The following RIPOR2 variants were observed in gnomAD, a reference collection of about 807,000 sequenced individuals.
RIPOR2 encodes RHO family interacting cell polarization regulator 2, also known as rho family-interacting cell polarization regulator 2.
In RIPOR2, 39 loss-of-function variants were observed where a neutral mutation model predicts 114.5. The observed-to-expected ratio is 0.34, with a 90% confidence interval of 0.26 to 0.44. RIPOR2 has a LOEUF of 0.44. Ranked by LOEUF, RIPOR2 falls within the 20% of genes least tolerant of loss-of-function variation. The pLI, the probability that RIPOR2 is intolerant of heterozygous loss-of-function variation, is 1.00. For synonymous variants in RIPOR2, 445 were observed against 484.4 expected (o/e 0.92, Z 1.07); for missense variants, 1,007 against 1,255.1 (o/e 0.80, Z 2.99).
chr6:25,009,416 C>T (rs993021077), intron 1 of RIPOR2, among the ~76,000 whole-genome samples: 2 of 152,218 alleles, frequency 1.3e-5, no homozygotes, highest in African/African-American at 4.8e-5. Flanking sequence ...TAGAAATCGT[C>T]TTACCATTCT....
At chr6:24,964,285 T>A (rs1044063536) in intron 1 of RIPOR2, among the ~76,000 whole-genome samples, 1 of 152,118 alleles carries the variant, frequency 6.6e-6, no homozygotes, top group Admixed American at 6.6e-5. Flanking sequence ...TACCCCTGTA[T>A]AGTCACACAT....
chr6:24,951,916 C>T (rs1772787868), intron 1 of RIPOR2, among the ~76,000 whole-genome samples: 1 of 152,164 alleles, frequency 6.6e-6, no homozygotes, highest in Non-Finnish European at 1.5e-5. Flanking sequence ...CCCCACCCTG[C>T]TTACCTTCCG....
At chr6:24,860,199 A>G (rs2113826568) in intron 8 of RIPOR2, among the ~76,000 whole-genome samples, 1 of 152,338 alleles carries the variant, frequency 6.6e-6, no homozygotes, top group South Asian at 2.1e-4. Flanking sequence ...ACAAAATTTC[A>G]TAGTTAGTTT....
intron 1 of RIPOR2, among the ~76,000 whole-genome samples, chr6:24,935,320 C>CAAAAAAAAAAAAA (rs976245217): frequency 9.2e-5 from 2 of 21,812 alleles, no homozygotes; most frequent in African/African-American, 2.0e-4. Context: ...AAAACAACAA[C>CAAAAAAAAAAAAA]AAAAAAAAAA....
chr6:24,920,546 A>G (rs1236034816), intron 1 of RIPOR2, among the ~76,000 whole-genome samples: 1 of 152,192 alleles, frequency 6.6e-6, no homozygotes, highest in Admixed American at 6.5e-5. Context: ...GGAACACACC[A>G]TATAGGTTAT....
At chr6:24,913,150 A>AGT (rs10598852) in intron 1 of RIPOR2, among the ~76,000 whole-genome samples, 47,826 of 149,150 alleles carry the variant, frequency 0.32, 7,562 homozygotes, top group East Asian at 0.38. Flanking sequence ...GCATGACTTG[A>AGT]GTGTGTGTGT....
chr6:24,894,083 T>C (rs917025045), intron 1 of RIPOR2, among the ~76,000 whole-genome samples: 3 of 152,130 alleles, frequency 2.0e-5, no homozygotes, highest in African/African-American at 7.2e-5. Flanking sequence ...AGGTGACCCA[T>C]TAGAGGTCAA....
At chr6:24,992,950 C>T (rs2113623315) in intron 1 of RIPOR2, among the ~76,000 whole-genome samples, 1 of 152,228 alleles carries the variant, frequency 6.6e-6, no homozygotes, top group South Asian at 2.1e-4. Flanking sequence ...CAAAGTGCCA[C>T]CAGGGAATGG....
At chr6:24,849,757 G>C in intron 11 of RIPOR2, 45 bp downstream of exon 11, 1 of 1,548,446 alleles carries the variant, frequency 6.5e-7, no homozygotes, top group Non-Finnish European at 8.9e-7. Context: ...GCACTAGCCG[G>C]TATCAGATAT....
At chr6:24,962,846 C>T (rs1298908799) in intron 1 of RIPOR2, among the ~76,000 whole-genome samples, 2 of 152,066 alleles carry the variant, frequency 1.3e-5, no homozygotes, top group African/African-American at 4.8e-5. Context: ...AGTGAATTTG[C>T]TTGAGGTCTC....
intron 1 of RIPOR2, among the ~76,000 whole-genome samples, chr6:24,992,431 C>T (rs1170262499): frequency 2.0e-5 from 3 of 152,068 alleles, no homozygotes; most frequent in Non-Finnish European, 4.4e-5. Context: ...CTAGCAACAG[C>T]CAAACCAAGA....
At position 24,808,762 on chromosome 6, in the gene RIPOR2, CTTT is replaced by C. The variant is rs10587871; in HGVS notation, c.3043+952_3043+954del. On this transcript the variant is annotated intron_variant, in intron 21 of 21. Coordinates refer to ENST00000643898, the MANE Select transcript of RIPOR2 (RefSeq NM_001286445.3). ...TTATAATAATTATTTATACTTTTTT[CTTT>C]TTTTTTTTTTTTGAGACAGAGTCTT... Among the ~76,000 whole-genome samples, 218 of 128,070 alleles carry C rather than the reference CTTT, an allele frequency of 1.7e-3. 4 individuals are homozygous for C. The highest frequency in any genetic ancestry group is 0.01 in the Admixed American group (129 of 12,382). 84.0% of individuals were successfully genotyped at this position (128,070 alleles called of 152,430 possible).
chr6:24,923,049 C>G (rs1324033560), intron 1 of RIPOR2, among the ~76,000 whole-genome samples: 5 of 151,966 alleles, frequency 3.3e-5, no homozygotes, highest in African/African-American at 1.2e-4. Flanking sequence ...CTCCTCCCCC[C>G]AGCCTCTGGC....
At chr6:24,833,833 T>C (rs1299041150) in intron 15 of RIPOR2, among the ~76,000 whole-genome samples, 1 of 152,162 alleles carries the variant, frequency 6.6e-6, no homozygotes, top group Non-Finnish European at 1.5e-5. Context: ...CATGGCCTTA[T>C]TACCGAGAGA....
At chr6:24,807,213 C>A (rs1295298375) in intron 21 of RIPOR2, among the ~76,000 whole-genome samples, 1 of 152,076 alleles carries the variant, frequency 6.6e-6, no homozygotes, top group Admixed American at 6.6e-5. Context: ...ACACCTGTAA[C>A]CCCAGAACTT....
At chr6:24,903,888 T>C (rs1282455185) in intron 1 of RIPOR2, among the ~76,000 whole-genome samples, 2 of 152,260 alleles carry the variant, frequency 1.3e-5, no homozygotes, top group Non-Finnish European at 2.9e-5. Context: ...GCCATGCACA[T>C]AGACCAGCAG....
At chr6:24,957,748 G>A (rs984897306) in intron 1 of RIPOR2, among the ~76,000 whole-genome samples, 4 of 152,270 alleles carry the variant, frequency 2.6e-5, no homozygotes, top group Middle Eastern at 3.4e-3. Flanking sequence ...GGTGGCAGGC[G>A]CCTGTAGTCC....
chr6:24,970,189 C>T (rs538309541), intron 1 of RIPOR2, among the ~76,000 whole-genome samples: 9 of 151,696 alleles, frequency 5.9e-5, no homozygotes, highest in Non-Finnish European at 1.0e-4. Flanking sequence ...TGTCAGAGCA[C>T]GTGGGACCAT....
chr6:24,895,767 G>A (rs905524518), intron 1 of RIPOR2, among the ~76,000 whole-genome samples: 2 of 152,024 alleles, frequency 1.3e-5, no homozygotes, highest in Admixed American at 6.6e-5. Flanking sequence ...AAGGCAGGTG[G>A]ATCACGAGGT....
Sources: allele counts gnomAD v4.1 joint callset (sites outside exome capture counted in the v4.1 genomes callset), GRCh38; gene constraint gnomAD v4.1.1; transcripts MANE v1.5; gene names NCBI Gene and HGNC (gene_info 2026-07-23, HGNC 2026-07-21).